The following LRFN5 variants were observed in gnomAD, a reference collection of about 807,000 sequenced individuals.
LRFN5 encodes the protein leucine rich repeat and fibronectin type III domain containing 5, also known as leucine-rich repeat and fibronectin type-III domain-containing protein 5.
Under a neutral mutation model 45.6 loss-of-function variants are expected in LRFN5, and 24 were observed. The ratio of observed to expected loss-of-function variants is 0.53; its 90% CI spans 0.38 to 0.74. LRFN5 has a LOEUF of 0.74. LRFN5 is among the 30% of genes least tolerant of loss of function. The pLI is 0.00. For synonymous variants in LRFN5, 340 were observed against 313.8 expected, an observed-to-expected ratio of 1.08 and a Z score of -0.88; for missense variants, 776 against 861.5, an observed-to-expected ratio of 0.90 and a Z score of 1.24.
Position 41,891,922 on chromosome 14 carries a change from C to T in LRFN5, c.2058C>T (p.Val686=), listed in dbSNP as rs551906068. 3 of 1,614,024 alleles carry T rather than the reference C, an allele frequency of 1.9e-6. No homozygotes were observed. The South Asian group carries it at 3.3e-5, about 18-fold the overall frequency. The change falls in exon 4 of 6, where the codon GTC becomes GTT. Residue 686 remains valine (V), a synonymous_variant. Transcript: ENST00000298119. ...TAGCTAGCCGTCCTCCCGATTCTGT[C>T]ACAGAGGGGCCCACGTCTAAAAGAG... The part of the protein sequence containing the change: ...LQLASRPPDS[V]TEGPTSKRAH...
intron 1 of LRFN5, among the ~76,000 whole-genome samples, chr14:41,729,428 G>A (rs372374350): frequency 6.6e-6 from 1 of 151,980 alleles, no homozygotes; most frequent in African/African-American, 2.4e-5. Flanking sequence ...CATACTCCCT[G>A]TAGAACCATG....
chr14:41,611,562 A>G (rs1887757893), intron 1 of LRFN5, among the ~76,000 whole-genome samples: 1 of 152,234 alleles, frequency 6.6e-6, no homozygotes, highest in Non-Finnish European at 1.5e-5. Context: ...TATAAGAACA[A>G]GCATAAGCAG....
chr14:41,837,685 GAGAC>G (rs2139046981), intron 2 of LRFN5, among the ~76,000 whole-genome samples: 3 of 152,084 alleles, frequency 2.0e-5, no homozygotes, highest in Admixed American at 2.0e-4. Flanking sequence ...TGTTCTTCTA[GAGAC>G]ACTTTAAAAA....
In LRFN5 at chr14:41,673,382, C is replaced by G. The variant is rs1219726104; in HGVS notation, c.-197+64820C>G. On this transcript the variant is annotated intron_variant, in intron 1 of 5. Transcript: ENST00000298119. ...CTCCCTCCCGGACGGGGCGGCTGGC[C>G]GGGCAGGGGGCTGACCCGCCCCCCA... Among the ~76,000 whole-genome samples the G allele has an allele frequency of 2.1e-5, 3 of 144,456 alleles. 1 individual carries two copies. Among genetic ancestry groups the G allele is most frequent in the Non-Finnish European group, 4.5e-5 (3 of 66,770 alleles). 94.8% of individuals were successfully genotyped at this position (144,456 alleles called of 152,430 possible).
intron 1 of LRFN5, among the ~76,000 whole-genome samples, chr14:41,670,157 T>C (rs953203551): frequency 7.0e-6 from 1 of 143,884 alleles, no homozygotes; most frequent in Non-Finnish European, 1.5e-5. Context: ...TGTATATATA[T>C]ACATTCTGTG....
At chr14:41,648,998 C>A (rs75700936) in intron 1 of LRFN5, among the ~76,000 whole-genome samples, 2 of 152,030 alleles carry the variant, frequency 1.3e-5, no homozygotes, top group African/African-American at 4.8e-5. Flanking sequence ...GCTGGGCGCG[C>A]TGGCTTGCGG....
intron 1 of LRFN5, among the ~76,000 whole-genome samples, chr14:41,708,221 C>T (rs187056372): frequency 1.2e-4 from 18 of 151,662 alleles, no homozygotes; most frequent in Non-Finnish European, 2.1e-4. Flanking sequence ...TTTTGATTGC[C>T]GGAAACTTTA....
chr14:41,860,353 TCTC>T (rs1889617945), intron 2 of LRFN5, among the ~76,000 whole-genome samples: 1 of 152,196 alleles, frequency 6.6e-6, no homozygotes, highest in East Asian at 1.9e-4. Flanking sequence ...TAAAAGTGTT[TCTC>T]CTTTTTAATC....
intron 5 of LRFN5, among the ~76,000 whole-genome samples, chr14:41,903,887 A>T (rs17112393): frequency 6.6e-6 from 1 of 152,068 alleles, no homozygotes; most frequent in African/African-American, 2.4e-5. Flanking sequence ...TTGACTTTAC[A>T]TAATTATCTA....
chr14:41,689,894 CAAAAAAAA>C (rs10572529), intron 1 of LRFN5, among the ~76,000 whole-genome samples: 1 of 81,950 alleles, frequency 1.2e-5, no homozygotes, highest in Non-Finnish European at 2.5e-5. Context: ...GACTCCGTCT[CAAAAAAAA>C]AAAAAAAAAA....
intron 1 of LRFN5, among the ~76,000 whole-genome samples, chr14:41,625,645 G>A (rs1185281504): frequency 6.6e-6 from 1 of 152,048 alleles, no homozygotes; most frequent in African/African-American, 2.4e-5. Context: ...ATTGCTGTGT[G>A]TCCATAGCAA....
chr14:41,807,402 A>T (rs1438486224), intron 2 of LRFN5, among the ~76,000 whole-genome samples: 1 of 152,186 alleles, frequency 6.6e-6, no homozygotes, highest in Non-Finnish European at 1.5e-5. Flanking sequence ...TATCAGAATG[A>T]CAGCATCTAT....
intron 1 of LRFN5, among the ~76,000 whole-genome samples, chr14:41,651,522 A>G (rs1033923469): frequency 2.6e-5 from 4 of 152,170 alleles, no homozygotes; most frequent in Admixed American, 6.5e-5. Context: ...AGTGTAGGTA[A>G]TTCTTTACAT....
At chr14:41,738,075 A>C (rs529671756) in intron 1 of LRFN5, among the ~76,000 whole-genome samples, 190 of 152,320 alleles carry the variant, frequency 1.2e-3, no homozygotes, top group Middle Eastern at 0.01. Flanking sequence ...TGGAGGCATC[A>C]CATTACCTGA....
chr14:41,718,738 T>G (rs986972481), intron 1 of LRFN5, among the ~76,000 whole-genome samples: 1 of 152,302 alleles, frequency 6.6e-6, no homozygotes, highest in African/African-American at 2.4e-5. Context: ...ACGCTAAATC[T>G]AAGCTAAATC....
At chr14:41,811,521 AG>A (rs1409945499) in intron 2 of LRFN5, among the ~76,000 whole-genome samples, 1 of 152,148 alleles carries the variant, frequency 6.6e-6, no homozygotes, top group Non-Finnish European at 1.5e-5. Flanking sequence ...GAAACAACCC[AG>A]GGAACTATCA....
intron 2 of LRFN5, among the ~76,000 whole-genome samples, chr14:41,861,312 G>T (rs997237196): frequency 6.6e-6 from 1 of 151,932 alleles, no homozygotes; most frequent in Admixed American, 6.6e-5. Flanking sequence ...TTGCTTATTC[G>T]TTGTTTCTTT....
chr14:41,662,384 TA>T (rs1880696037), intron 1 of LRFN5, among the ~76,000 whole-genome samples: 1 of 151,924 alleles, frequency 6.6e-6, no homozygotes, highest in Non-Finnish European at 1.5e-5. Context: ...GGATATCCAT[TA>T]AAAAAATAAG....
chr14:41,697,476 T>G (rs1882661828), intron 1 of LRFN5, among the ~76,000 whole-genome samples: 1 of 151,858 alleles, frequency 6.6e-6, no homozygotes, highest in Non-Finnish European at 1.5e-5. Context: ...CATGGATTTG[T>G]CTATTTCTTC....
Sources: gnomAD v4.1 joint callset for allele counts (sites outside exome capture counted in the v4.1 genomes callset) on GRCh38, gnomAD v4.1.1 for gene constraint, MANE v1.5 for transcripts, NCBI Gene and HGNC (gene_info 2026-07-23, HGNC 2026-07-21) for gene names.